SPTBN1: variants seen among roughly 807,000 people sequenced by gnomAD.
SPTBN1 encodes spectrin beta chain, non-erythrocytic 1.
A neutral mutation model predicts 266.4 loss-of-function variants in SPTBN1; 32 were observed. The observed-to-expected ratio is 0.12, with a 90% CI of 0.09 to 0.16. The LOEUF is 0.16. Among genes scored for constraint, SPTBN1 ranks in the 10% least tolerant of loss-of-function variants. SPTBN1 has a pLI of 1.00. For missense variants in SPTBN1, 2,296 were observed against 3,067.1 expected (o/e 0.75, Z 5.94); for synonymous variants, 1,336 against 1,162.2 (o/e 1.15, Z -3.04).
At position 54,628,072 on chromosome 2, in the gene SPTBN1, C is replaced by G. The variant is rs768615587; in HGVS notation, c.1645-25C>G. ...AAGTCAAGGCTATAGTCACAGATGTCCTTTTGGTTGCTTCTTGTGCACAGG... is the reference window on the plus strand; with the variant it reads ...AAGTCAAGGCTATAGTCACAGATGTGCTTTTGGTTGCTTCTTGTGCACAGG... On this transcript the variant is annotated intron_variant, in intron 12 of 35. Transcript: ENST00000356805. This position sits in a 1 kb window ranked among gnomAD's most constrained non-coding sequence, Gnocchi z 4.3. The G allele has an allele frequency of 5.7e-6, 9 of 1,592,806 alleles. No individual in the cohort carries two copies. In the Admixed American group the frequency reaches 6.9e-5, roughly 12 times the overall value.
chr2:54,511,738 A>G (rs993364605), intron 1 of SPTBN1, among the ~76,000 whole-genome samples: 1 of 151,920 alleles, frequency 6.6e-6, no homozygotes, highest in Non-Finnish European at 1.5e-5. Context: ...GTGGTGGCGC[A>G]TGTCTGCAAT....
At chr2:54,525,564 A>G (rs1052366303) in intron 1 of SPTBN1, among the ~76,000 whole-genome samples, 2 of 152,086 alleles carry the variant, frequency 1.3e-5, no homozygotes, top group Non-Finnish European at 1.5e-5. Flanking sequence ...TCAGTTTTCT[A>G]ATATGTAAGT....
intron 1 of SPTBN1, among the ~76,000 whole-genome samples, chr2:54,504,026 T>C (rs1440842885): frequency 3.9e-5 from 6 of 152,232 alleles, no homozygotes; most frequent in Admixed American, 1.3e-4. Flanking sequence ...ATTAGGAATT[T>C]GTTACAATAT....
chr2:54,559,965 T>G (rs569312595), intron 2 of SPTBN1, among the ~76,000 whole-genome samples: 1 of 152,144 alleles, frequency 6.6e-6, no homozygotes, highest in East Asian at 1.9e-4. Context: ...TTGACAGTAA[T>G]GACACTTCTC....
Position 54,653,673 on chromosome 2 carries a change from A to G in SPTBN1, c.5642A>G (p.Asp1881Gly). The change falls in exon 27 of 36, where the codon GAT (aspartate) becomes GGT (glycine). Residue 1881 changes from aspartate to glycine, a missense_variant. Physicochemically the swap from Asp to Gly is moderately conservative, Grantham distance 94 (BLOSUM62 -1). Transcript: ENST00000356805. The surrounding 1 kb of genome is among the most constrained non-coding windows in gnomAD (Gnocchi z 5.1). ...GCCTATGCGGGTGACAAGGCCGACG[A>G]TATCCAGAAGCGCGAGAACGAGGTC... ...QAAYAGDKADDIQKRENEVLE... is the reference protein window; with the variant it reads ...QAAYAGDKADGIQKRENEVLE... 1 of 1,614,162 alleles carries G rather than the reference A, an allele frequency of 6.2e-7. No homozygotes were observed. Among genetic ancestry groups the G allele is most frequent in the Non-Finnish European group, 8.5e-7 (1 of 1,180,024 alleles).
At chr2:54,479,806 T>G (rs371570553) in intron 1 of SPTBN1, among the ~76,000 whole-genome samples, 1 of 152,190 alleles carries the variant, frequency 6.6e-6, no homozygotes, top group East Asian at 1.9e-4. Flanking sequence ...TAATAACCAT[T>G]TAAGTATTCA....
At chr2:54,638,793 G>C (rs1679333236) in intron 18 of SPTBN1, among the ~76,000 whole-genome samples, 1 of 152,150 alleles carries the variant, frequency 6.6e-6, no homozygotes, top group South Asian at 2.1e-4. Context: ...AGAGTATGGG[G>C]GTAGAATCAG....
intron 17 of SPTBN1, among the ~76,000 whole-genome samples, chr2:54,635,759 G>A (rs1421809880): frequency 6.6e-6 from 1 of 152,182 alleles, no homozygotes; most frequent in African/African-American, 2.4e-5. Flanking sequence ...ACTACTGGCA[G>A]GACTCCTGCA....
At chr2:54,581,577 C>CTTTTTTTTTTTTTTTTTTTTTTTTTTTT (rs70944181) in intron 2 of SPTBN1, among the ~76,000 whole-genome samples, 2 of 102,658 alleles carry the variant, frequency 1.9e-5, no homozygotes, top group East Asian at 2.6e-4. Flanking sequence ...TTTCTTTGCC[C>CTTTTTTTTTTTTTTTTTTTTTTTTTTTT]TTTTTTTTTT....
chr2:54,585,779 T>C (rs911076339), intron 2 of SPTBN1, among the ~76,000 whole-genome samples: 1 of 152,202 alleles, frequency 6.6e-6, no homozygotes, highest in Non-Finnish European at 1.5e-5. Flanking sequence ...GATAAATGGT[T>C]GCTGTGGACT....
At chr2:54,530,716 A>C (rs1337795050) in intron 2 of SPTBN1, among the ~76,000 whole-genome samples, 1 of 152,096 alleles carries the variant, frequency 6.6e-6, no homozygotes, top group African/African-American at 2.4e-5. Flanking sequence ...CACCCTCAGG[A>C]ATTGCTTTTA....
At position 54,647,245 on chromosome 2, in the gene SPTBN1, G is replaced by C. The variant is rs772742970; in HGVS notation, c.4981G>C (p.Asp1661His). ...LSKTSRALVA[D>H]SHPESERISM... ...CAAGACCAGCCGGGCCCTGGTGGCCGACAGCCATCCTGAAAGGTGAGCGCT... is the reference window on the plus strand; with the variant it reads ...CAAGACCAGCCGGGCCCTGGTGGCCCACAGCCATCCTGAAAGGTGAGCGCT... Residue 1661 changes from aspartate to histidine, a missense_variant, in exon 24 of 36, where the codon GAC becomes CAC. Physicochemically the swap from Asp to His is moderately conservative, Grantham distance 81. Transcript: ENST00000356805. 3 of 1,613,878 alleles carry C rather than the reference G, an allele frequency of 1.9e-6. No individual in the cohort carries two copies. The highest frequency in any genetic ancestry group is 2.5e-6 in the Non-Finnish European group (3 of 1,180,036).
chr2:54,494,887 C>T (rs1013304394), intron 1 of SPTBN1, among the ~76,000 whole-genome samples: 5 of 149,638 alleles, frequency 3.3e-5, no homozygotes, highest in Admixed American at 2.7e-4. Flanking sequence ...CATTGTATAT[C>T]AGTTATACCT....
intron 17 of SPTBN1, among the ~76,000 whole-genome samples, chr2:54,633,917 TTGTGGA>T (rs2103961239): frequency 6.6e-6 from 1 of 152,206 alleles, no homozygotes; most frequent in East Asian, 1.9e-4. Flanking sequence ...TAGGGTGGTA[TTGTGGA>T]ATAGAGAATA....
intron 7 of SPTBN1, among the ~76,000 whole-genome samples, chr2:54,619,879 T>C (rs1244970364): frequency 6.6e-5 from 10 of 152,150 alleles, no homozygotes; most frequent in Non-Finnish European, 1.0e-4. Flanking sequence ...GTCCTGATGT[T>C]CTCTTGTTTA....
At chr2:54,486,392 C>T (rs1668392709) in intron 1 of SPTBN1, among the ~76,000 whole-genome samples, 1 of 152,080 alleles carries the variant, frequency 6.6e-6, no homozygotes. Flanking sequence ...ATTCTTCTGC[C>T]TTGGGATCCT....
intron 1 of SPTBN1, among the ~76,000 whole-genome samples, chr2:54,519,550 G>A (rs1670306062): frequency 6.6e-6 from 1 of 152,140 alleles, no homozygotes; most frequent in African/African-American, 2.4e-5. Flanking sequence ...TTCTCTCTCA[G>A]GAGTTGCAAG....
chr2:54,632,487 A>G, intron 16 of SPTBN1, 79 bp from the exon 17 acceptor site: 1 of 1,381,178 alleles, frequency 7.2e-7, no homozygotes, highest in Middle Eastern at 1.8e-4. Flanking sequence ...GTTGTGAACT[A>G]TGTTGCACGG....
chr2:54,506,253 T>G (rs1262982369), intron 1 of SPTBN1, among the ~76,000 whole-genome samples: 2 of 152,016 alleles, frequency 1.3e-5, no homozygotes, highest in African/African-American at 4.8e-5. Flanking sequence ...CTTTCGGAGG[T>G]TGTGAGGAAA....
Sources: gnomAD v4.1 joint callset for allele counts (sites outside exome capture counted in the v4.1 genomes callset) on GRCh38, gnomAD v4.1.1 for gene constraint, Gnocchi (gnomAD v3.1) non-coding constraint, MANE v1.5 for transcripts, NCBI Gene and HGNC (gene_info 2026-07-23, HGNC 2026-07-21) for gene names.